ACOX3: variants seen among roughly 807,000 people sequenced by gnomAD.
ACOX3 encodes peroxisomal acyl-coenzyme A oxidase 3.
Under a neutral mutation model 81.5 loss-of-function variants are expected in ACOX3, and 73 were observed. That is an observed-to-expected ratio of 0.90 (90% CI 0.74 to 1.09). The LOEUF is 1.09. ACOX3 is among the 50% of genes least tolerant of loss of function. ACOX3 has a pLI of 0.00. For missense variants in ACOX3, 947 were observed against 928.0 expected, an observed-to-expected ratio of 1.02 and a Z score of -0.27; for synonymous variants, 387 against 375.1, an observed-to-expected ratio of 1.03 and a Z score of -0.37.
chr4:8,424,910 T>C (rs553576486), intron 1 of ACOX3, among the ~76,000 whole-genome samples: 2 of 152,304 alleles, frequency 1.3e-5, no homozygotes, highest in African/African-American at 2.4e-5. Context: ...AATGGAATAC[T>C]TGAAAGTAAT....
chr4:8,384,723 C>T lies in ACOX3; in HGVS notation c.1538-3116G>A, dbSNP rs909717696. 6.6e-6 allele frequency among the ~76,000 whole-genome samples: 1 copy of T among 152,180 alleles called. No homozygotes were observed. The highest frequency in any genetic ancestry group is 2.4e-5 in the African/African-American group (1 of 41,430). ...CGGTTTCCTCTCCCGTCTCTGGGTC[C>T]AGTCCCCTCTGCGTCAGCATCAGAG... On this transcript the variant is annotated intron_variant, in intron 13 of 17. Transcript: ENST00000356406. The surrounding 1 kb of genome is among the most constrained non-coding windows in gnomAD (Gnocchi z 5.3).
At chr4:8,376,588 G>A (rs1004579781) in intron 14 of ACOX3, among the ~76,000 whole-genome samples, 3 of 152,158 alleles carry the variant, frequency 2.0e-5, no homozygotes, top group Admixed American at 6.5e-5. Flanking sequence ...CGCCTTTCCC[G>A]CTGTGCTTCA....
chr4:8,370,051 A>C lies in ACOX3; in HGVS notation c.1983+857T>G, dbSNP rs1715967517. Among the ~76,000 whole-genome samples, 1 of 152,214 alleles carries C rather than the reference A, an allele frequency of 6.6e-6. No individual in the cohort carries two copies. The highest frequency in any genetic ancestry group is 1.5e-5 in the Non-Finnish European group (1 of 68,026). ...ACACAAGGTCAGTGATGAGGCCAGC[A>C]AGGGCAGCACTACAGTGCCTGGGGG... On this transcript the variant is annotated intron_variant, in intron 17 of 17. Coordinates refer to ENST00000356406, the MANE Select transcript of ACOX3 (RefSeq NM_003501.3). The surrounding 1 kb of genome is among the most constrained non-coding windows in gnomAD (Gnocchi z 6.3).
chr4:8,378,001 C>T (rs1717184662), intron 14 of ACOX3, among the ~76,000 whole-genome samples: 1 of 152,184 alleles, frequency 6.6e-6, no homozygotes, highest in Admixed American at 6.5e-5. Flanking sequence ...TTCTGGACCA[C>T]CTCAGCTGCC....
intron 13 of ACOX3, among the ~76,000 whole-genome samples, chr4:8,383,230 G>A (rs1209653897): frequency 6.6e-6 from 1 of 152,244 alleles, no homozygotes; most frequent in East Asian, 1.9e-4. Context: ...GCACAGGCAG[G>A]GTTGGGCGGA....
intron 13 of ACOX3, among the ~76,000 whole-genome samples, chr4:8,383,920 A>G (rs1220881207): frequency 2.0e-5 from 3 of 152,114 alleles, no homozygotes; most frequent in Non-Finnish European, 4.4e-5. Context: ...CAGCAACAAA[A>G]CCAAGGAAAC....
At chr4:8,424,393 G>A (rs1477699330) in intron 1 of ACOX3, among the ~76,000 whole-genome samples, 3 of 152,214 alleles carry the variant, frequency 2.0e-5, no homozygotes, top group African/African-American at 7.2e-5. Context: ...AGAAAAAACA[G>A]GAATAGCTCT....
In ACOX3 at chr4:8,406,850, T is replaced by C. The variant is rs1057349508; in HGVS notation, c.688-807A>G. On this transcript the variant is annotated intron_variant, in intron 6 of 17. Coordinates refer to ENST00000356406, the MANE Select transcript of ACOX3 (RefSeq NM_003501.3). This position sits in a 1 kb window ranked among gnomAD's most constrained non-coding sequence, Gnocchi z 5.6. The stretch of plus-strand genomic sequence containing the variant: ...GAAGGTGGACTAGGAGCGTGACCAC[T>C]GAAGCACGGCATCACAGGGAGACGG... 6.6e-6 allele frequency among the ~76,000 whole-genome samples: 1 copy of C among 152,214 alleles called. No individual in the cohort carries two copies. Among genetic ancestry groups the C allele is most frequent in the Admixed American group, 6.5e-5 (1 of 15,284 alleles).
rs1033210687 is a variant in ACOX3, at chr4:8,394,948, C to G, written c.1057-206G>C. The G allele has an allele frequency of 2.6e-5, 15 of 569,208 alleles. No individual in the cohort carries two copies. The South Asian group carries it at 3.0e-4, about 11-fold the overall frequency. The allele number at this position is 569,208 out of a possible 1,614,324, so 35.3% of individuals were successfully genotyped here. ...CAGCCAGTTCGGCTTTCACCCATAGCCCTTGACAGACAAGCTCAAACGCAA... is the reference window on the plus strand; with the variant it reads ...CAGCCAGTTCGGCTTTCACCCATAGGCCTTGACAGACAAGCTCAAACGCAA... On this transcript the variant is annotated intron_variant, in intron 9 of 17. Transcript: ENST00000356406. The surrounding 1 kb of genome is among the most constrained non-coding windows in gnomAD (Gnocchi z 5.9).
At position 8,384,845 on chromosome 4, in the gene ACOX3, C is replaced by T. The variant is rs1718112092; in HGVS notation, c.1538-3238G>A. Among the ~76,000 whole-genome samples the T allele has an allele frequency of 2.0e-5, 3 of 152,314 alleles. No homozygotes were observed. The South Asian group carries it at 6.2e-4, about 32-fold the overall frequency. ...GCCAGATCACAGGCCCGGGTCTGAC[C>T]ATGCCCGCCGCTCTGGTGCTCCTGA... On this transcript the variant is annotated intron_variant, in intron 13 of 17. Coordinates refer to ENST00000356406, the MANE Select transcript of ACOX3 (RefSeq NM_003501.3). The surrounding 1 kb of genome is among the most constrained non-coding windows in gnomAD (Gnocchi z 5.3).
downstream of ACOX3, among the ~76,000 whole-genome samples, chr4:8,365,923 T>G (rs551603112): frequency 3.3e-5 from 5 of 152,330 alleles, no homozygotes; most frequent in East Asian, 1.9e-4. Context: ...GGCACCGTCC[T>G]GAGACATGCT....
rs1240523649 is a variant in ACOX3 at position 8,394,776 on chromosome 4, G to A, written c.1057-34C>T. Reference sequence around the variant, plus strand: ...GACAAGACACCTGCGTGAACACATCGTGGTTCCCATGAAGGGCAGCCCATC... The same window carrying A: ...GACAAGACACCTGCGTGAACACATCATGGTTCCCATGAAGGGCAGCCCATC... On this transcript the variant is annotated intron_variant, in intron 9 of 17. Coordinates refer to ENST00000356406, the MANE Select transcript of ACOX3 (RefSeq NM_003501.3). The surrounding 1 kb of genome is among the most constrained non-coding windows in gnomAD (Gnocchi z 5.9). 3.8e-6 allele frequency: 6 copies of A among 1,598,036 alleles called. No homozygotes were observed. Among genetic ancestry groups the A allele is most frequent in the African/African-American group, 1.3e-5 (1 of 74,668 alleles).
chr4:8,377,550 C>T (rs1375616532), intron 14 of ACOX3, among the ~76,000 whole-genome samples: 1 of 152,226 alleles, frequency 6.6e-6, no homozygotes, highest in African/African-American at 2.4e-5. Flanking sequence ...CAGGGCGGCT[C>T]TCTCACAGGA....
At position 8,386,701 on chromosome 4, in the gene ACOX3, G is replaced by A. The variant is rs542859022; in HGVS notation, c.1537+2472C>T. Among the ~76,000 whole-genome samples, 3 of 152,162 alleles carry A rather than the reference G, an allele frequency of 2.0e-5. No individual in the cohort carries two copies. The highest frequency in any genetic ancestry group is 2.9e-5 in the Non-Finnish European group (2 of 68,030). On this transcript the variant is annotated intron_variant, in intron 13 of 17. Transcript: ENST00000356406. The surrounding 1 kb of genome is among the most constrained non-coding windows in gnomAD (Gnocchi z 5.2). Reference sequence around the variant, plus strand: ...TTACCGTCAGAAGCTGTAACCCAGCGCAGTGACCACGAGAAAGCAAGCAGT... The same window carrying A: ...TTACCGTCAGAAGCTGTAACCCAGCACAGTGACCACGAGAAAGCAAGCAGT...
At chr4:8,433,754 T>A (rs1724076802) in intron 1 of ACOX3, among the ~76,000 whole-genome samples, 1 of 152,210 alleles carries the variant, frequency 6.6e-6, no homozygotes, top group Non-Finnish European at 1.5e-5. Context: ...AAAATCCCAA[T>A]GGAGGGATTA....
chr4:8,410,092 T>C, intron 6 of ACOX3, 120 bp downstream of exon 6: 2 of 1,310,624 alleles, frequency 1.5e-6, no homozygotes, highest in South Asian at 3.0e-5. Flanking sequence ...GTGTCCCTGG[T>C]CCACTCACCA....
At chr4:8,436,282 C>T (rs938868864) in intron 1 of ACOX3, 7 of 151,842 alleles carry the variant, frequency 4.6e-5, no homozygotes, top group Non-Finnish European at 7.3e-5. Flanking sequence ...TATACATGGA[C>T]GGGAGCAGCT....
chr4:8,401,106 A>G (rs1329426968), intron 7 of ACOX3, among the ~76,000 whole-genome samples: 3 of 151,928 alleles, frequency 2.0e-5, no homozygotes, highest in South Asian at 2.1e-4. Flanking sequence ...TCACGCTCCT[A>G]TAAGAATCTA....
rs1226170848 is a variant in ACOX3, at chr4:8,415,874, G to A, written c.270C>T (p.Phe90=). The A allele has an allele frequency of 1.2e-6, 2 of 1,614,200 alleles. No individual in the cohort carries two copies. The highest frequency in any genetic ancestry group is 1.7e-5 in the Admixed American group (1 of 60,030). The change falls in exon 3 of 18, where the codon TTC becomes TTT. Residue 90 remains phenylalanine, a synonymous_variant. Transcript: ENST00000356406. ...LRCKRIFEYD[F]LSVEDMFKSP... ...TCTTGAACATGTCTTCGACACTGAGGAAGTCATACTCGAAGATCCGCTTGC... is the reference window on the plus strand; with the variant it reads ...TCTTGAACATGTCTTCGACACTGAGAAAGTCATACTCGAAGATCCGCTTGC...
Sources: allele counts gnomAD v4.1 joint callset (sites outside exome capture counted in the v4.1 genomes callset), GRCh38; gene constraint gnomAD v4.1.1; non-coding constraint Gnocchi (gnomAD v3.1); transcripts MANE v1.5; gene names NCBI Gene and HGNC (gene_info 2026-07-23, HGNC 2026-07-21).